C1QBP: variants seen among roughly 807,000 people sequenced by gnomAD.
The protein encoded by C1QBP is complement C1q binding protein, also known as complement component 1 Q subcomponent-binding protein, mitochondrial.
Under a neutral mutation model 29.4 loss-of-function variants are expected in C1QBP, and 24 were observed. That is an observed-to-expected ratio of 0.82 (90% confidence interval 0.59 to 1.15). The LOEUF (loss-of-function observed/expected upper bound fraction) is 1.15, where lower values mean the gene tolerates loss of function less well. Ranked by LOEUF, C1QBP falls within the 50% of genes most tolerant of loss-of-function variation. The probability of loss-of-function intolerance (pLI) is 0.00; values close to 1 mark genes in which losing one functional copy is unlikely to be tolerated. For missense variants in C1QBP, 337 were observed against 355.8 expected (o/e 0.95, Z 0.43); for synonymous variants, 182 against 149.2 (o/e 1.22, Z -1.60).
chr17:5,433,004 A>G lies in C1QBP; in HGVS notation c.*11T>C. On this transcript the variant is annotated 3_prime_UTR_variant, in exon 6 of 6. Transcript: ENST00000225698. Reference sequence around the variant, plus strand: ...CTGCCATGAAACTATGGCTTTCAGCATCTGTCTGCTCTACTGGCTCTTGAC... The same window carrying G: ...CTGCCATGAAACTATGGCTTTCAGCGTCTGTCTGCTCTACTGGCTCTTGAC... The G allele has an allele frequency of 6.2e-7, 1 of 1,605,044 alleles. No individual in the cohort carries two copies. Among genetic ancestry groups the G allele is most frequent in the Non-Finnish European group, 8.5e-7 (1 of 1,176,860 alleles).
In C1QBP at chr17:5,439,125, G is replaced by T; in HGVS notation, c.-52C>A. On this transcript the variant is annotated 5_prime_UTR_variant, in exon 1 of 6. Coordinates refer to ENST00000225698, the MANE Select transcript of C1QBP (RefSeq NM_001212.4). ...GATGCAAAGGACAACCCAGGCCTAGGCGCCCCGCGACCTGAGGCGCCGCCG... is the reference window on the plus strand; with the variant it reads ...GATGCAAAGGACAACCCAGGCCTAGTCGCCCCGCGACCTGAGGCGCCGCCG... The T allele has an allele frequency of 6.5e-7, 1 of 1,533,796 alleles. No homozygotes were observed. Among genetic ancestry groups the T allele is most frequent in the Non-Finnish European group, 8.8e-7 (1 of 1,140,508 alleles).
intron 1 of C1QBP, 154 bp from the exon 2 acceptor site, chr17:5,438,427 C>A (rs143627010): frequency 6.0e-6 from 6 of 1,001,040 alleles, no homozygotes; most frequent in African/African-American, 1.6e-5. Flanking sequence ...GGTAAAAATA[C>A]CATAATAGTA....
At position 5,433,940 on chromosome 17, in the gene C1QBP, C is replaced by T. The variant is rs1162351386; in HGVS notation, c.478-173G>A. On this transcript the variant is annotated intron_variant, in intron 3 of 5. Transcript: ENST00000225698. Reference sequence around the variant, plus strand: ...AAGAGCTTGATCTCACTTCTGTTGGCACCCTGCTTGGTTAAATAACACACT... The same window carrying T: ...AAGAGCTTGATCTCACTTCTGTTGGTACCCTGCTTGGTTAAATAACACACT... 4.7e-6 allele frequency: 3 copies of T among 640,292 alleles called. No individual in the cohort carries two copies. In the African/African-American group the frequency reaches 5.5e-5, roughly 12 times the overall value. 39.7% of individuals were successfully genotyped at this position (640,292 alleles called of 1,614,324 possible).
Position 5,432,993 on chromosome 17 carries a change from T to C in C1QBP, c.*22A>G, listed in dbSNP as rs2151675595. ...CTGGCCAAAGCCTGCCATGAAACTA[T>C]GGCTTTCAGCATCTGTCTGCTCTAC... On this transcript the variant is annotated 3_prime_UTR_variant, in exon 6 of 6. Transcript: ENST00000225698. 6.2e-7 allele frequency: 1 copy of C among 1,601,022 alleles called. No homozygotes were observed. Among genetic ancestry groups the C allele is most frequent in the South Asian group, 1.1e-5 (1 of 88,772 alleles).
intron 1 of C1QBP, chr17:5,438,520 C>T (rs1916334888): frequency 2.9e-6 from 2 of 699,258 alleles, no homozygotes; most frequent in Admixed American, 6.2e-5. Context: ...AGGAGAATTT[C>T]CAATCCTCTT....
At chr17:5,434,750 G>A (rs931879179) in intron 3 of C1QBP, 123 bp downstream of exon 3, 1 of 778,764 alleles carries the variant, frequency 1.3e-6, no homozygotes. Flanking sequence ...ATAGGCGTGA[G>A]CCATGCGACT....
chr17:5,438,455 A>T, intron 1 of C1QBP, 182 bp from the exon 2 acceptor site: 2 of 838,756 alleles, frequency 2.4e-6, no homozygotes, highest in Non-Finnish European at 3.6e-6. Context: ...GCTGAGCCTG[A>T]TTCTGGAAAA....
Position 5,438,964 on chromosome 17 carries a change from CG to C in C1QBP, c.109del (p.Arg37GlyfsTer50). 6.7e-7 allele frequency: 1 copy of C among 1,502,378 alleles called. No individual in the cohort carries two copies. Among genetic ancestry groups the C allele is most frequent in the Non-Finnish European group, 8.9e-7 (1 of 1,128,234 alleles). 93.1% of individuals were successfully genotyped at this position (1,502,378 alleles called of 1,614,324 possible). ...PFRQLLQPAP[R>X]LCTRPFGLLS... ...CAGCCCGAAGGGCCGGGTGCACAGC[CG>C]GGGTGCCGGCTGCAGGAGCTGCCGG... On this transcript the variant is annotated frameshift_variant, in exon 1 of 6. Coordinates refer to ENST00000225698, the MANE Select transcript of C1QBP (RefSeq NM_001212.4). LOFTEE classifies it high-confidence loss of function.
rs1459696831 is a variant in C1QBP, at chr17:5,439,001, C to T, written c.73G>A (p.Ala25Thr). The T allele has an allele frequency of 6.8e-6, 10 of 1,481,322 alleles. No homozygotes were observed. In the South Asian group the frequency reaches 1.4e-4, roughly 20 times the overall value. The allele number at this position is 1,481,322 out of a possible 1,614,324, so 91.8% of individuals were successfully genotyped here. Residue 25 changes from alanine to threonine, a missense_variant, in exon 1 of 6, where the codon GCC becomes ACC. By Grantham distance (58) the Ala-to-Thr change is moderately conservative. Transcript: ENST00000225698. Reference sequence around the variant, plus strand: ...TGCAGGAGCTGCCGGAAAGGCGAGGCGGGCGCGGCAGCGCGGAGGCCGGCG... The same window carrying T: ...TGCAGGAGCTGCCGGAAAGGCGAGGTGGGCGCGGCAGCGCGGAGGCCGGCG... ...SVAGLRAAAP[A>T]SPFRQLLQPA...
chr17:5,438,099 T>C lies in C1QBP; in HGVS notation c.383+24A>G, dbSNP rs1270728337. ...TGCAAGGTTAAGGGAGTTGCTGCCC[T>C]GGGATCCCCAGACCAGTACTTACTT... On this transcript the variant is annotated intron_variant, in intron 2 of 5. Coordinates refer to ENST00000225698, the MANE Select transcript of C1QBP (RefSeq NM_001212.4). The C allele has an allele frequency of 2.5e-6, 4 of 1,607,752 alleles. No homozygotes were observed. The South Asian group carries it at 3.3e-5, about 13-fold the overall frequency.
chr17:5,435,706 A>G (rs762763761), intron 2 of C1QBP, among the ~76,000 whole-genome samples: 6 of 152,044 alleles, frequency 3.9e-5, no homozygotes, highest in Non-Finnish European at 7.4e-5. Context: ...CTGCTGGGCT[A>G]TGCAACTCTG....
At chr17:5,438,428 C>T in intron 1 of C1QBP, 155 bp from the exon 2 acceptor site, 3 of 996,536 alleles carry the variant, frequency 3.0e-6, no homozygotes, top group Non-Finnish European at 1.4e-6. Context: ...GTAAAAATAC[C>T]ATAATAGTAG....
chr17:5,438,509 C>T (rs1467677758), intron 1 of C1QBP: 36 of 703,792 alleles, frequency 5.1e-5, no homozygotes, highest in Non-Finnish European at 7.5e-5. Flanking sequence ...CGCTATAAAC[C>T]AGGAGAATTT....
Position 5,432,916 on chromosome 17 carries a change from G to A in C1QBP, c.*99C>T, listed in dbSNP as rs1916127904. The A allele has an allele frequency of 1.5e-6, 2 of 1,372,726 alleles. No homozygotes were observed. Among genetic ancestry groups the A allele is most frequent in the Non-Finnish European group, 9.9e-7 (1 of 1,014,584 alleles). The allele number at this position is 1,372,726 out of a possible 1,614,324, so 85.0% of individuals were successfully genotyped here. A position where few individuals can be genotyped will look rare whatever the true frequency, so the allele number is the denominator to read the frequency against. ...TGGTATTTTTTCCCCCATGATATTA[G>A]GATGATAATCATTTCAAAGCACATG... On this transcript the variant is annotated 3_prime_UTR_variant, in exon 6 of 6. Transcript: ENST00000225698.
chr17:5,438,311 G>C (rs372813219), intron 1 of C1QBP, 38 bp from the exon 2 acceptor site: 15 of 1,605,278 alleles, frequency 9.3e-6, no homozygotes, highest in Non-Finnish European at 1.3e-5. Flanking sequence ...AGGAAAGCCA[G>C]TTAGTCTAAA....
chr17:5,434,108 T>G (rs1916189306), intron 3 of C1QBP: 1 of 305,002 alleles, frequency 3.3e-6, no homozygotes, highest in Non-Finnish European at 6.3e-6. Context: ...TCTTTCCAGC[T>G]TGACTGTTCC....
In C1QBP at chr17:5,433,128, G is replaced by A. The variant is rs746170176; in HGVS notation, c.736C>T (p.Arg246Ter). The A allele has an allele frequency of 1.9e-6, 3 of 1,613,918 alleles. No homozygotes were observed. Among genetic ancestry groups the A allele is most frequent in the Non-Finnish European group, 2.5e-6 (3 of 1,180,002 alleles). Residue 246 changes from arginine to a stop codon, truncating the protein, a stop_gained, in exon 6 of 6, where the codon CGA becomes TGA. Transcript: ENST00000225698. LOFTEE classifies it high-confidence loss of function. ...YDHLMDFLAD[R>*]GVDNTFADEL... ...TCTGCAAAAGTGTTGTCCACCCCTC[G>A]GTCGGCAAGGAAATCCATTAGGTGG...
intron 2 of C1QBP, among the ~76,000 whole-genome samples, chr17:5,437,397 C>T (rs982653470): frequency 5.3e-5 from 8 of 152,312 alleles, no homozygotes; most frequent in Admixed American, 1.3e-4. Flanking sequence ...AGCGCGGTGG[C>T]GCGATCTCGA....
rs568504294 is a variant in C1QBP, at chr17:5,437,758, G to A, written c.383+365C>T. Among the ~76,000 whole-genome samples, 3 of 152,334 alleles carry A rather than the reference G, an allele frequency of 2.0e-5. No individual in the cohort carries two copies. The East Asian group carries it at 5.8e-4, about 29-fold the overall frequency. Reference sequence around the variant, plus strand: ...CACAAACTCCCCACCTCTGATGGCAGCCCTTACTACAGTGTAACCCCATCC... The same window carrying A: ...CACAAACTCCCCACCTCTGATGGCAACCCTTACTACAGTGTAACCCCATCC... On this transcript the variant is annotated intron_variant, in intron 2 of 5. Transcript: ENST00000225698.
Sources: gnomAD v4.1 joint callset for allele counts (sites outside exome capture counted in the v4.1 genomes callset) on GRCh38, gnomAD v4.1.1 for gene constraint, MANE v1.5 for transcripts, NCBI Gene and HGNC (gene_info 2026-07-23, HGNC 2026-07-21) for gene names.